The following FER variants were observed in gnomAD, a reference collection of about 807,000 sequenced individuals.
FER encodes FER tyrosine kinase, also known as tyrosine-protein kinase Fer.
A neutral mutation model predicts 111.0 loss-of-function variants in FER; 63 were observed. That is an observed-to-expected ratio of 0.57 (90% CI 0.46 to 0.70). The LOEUF (loss-of-function observed/expected upper bound fraction) is 0.70, where lower values mean the gene tolerates loss of function less well. Among genes scored for constraint, FER ranks in the 30% least tolerant of loss-of-function variants. The pLI is 0.00. For synonymous variants in FER, 327 were observed against 313.9 expected (o/e 1.04, Z -0.44); for missense variants, 914 against 954.0 (o/e 0.96, Z 0.55).
intron 5 of FER, among the ~76,000 whole-genome samples, chr5:108,859,239 A>G (rs780015423): frequency 2.6e-5 from 4 of 152,028 alleles, no homozygotes; most frequent in Admixed American, 6.5e-5. Context: ...GCTGTGATCT[A>G]CCACTACAGT....
chr5:109,032,655 C>A (rs1056658169), intron 13 of FER, among the ~76,000 whole-genome samples: 1 of 152,068 alleles, frequency 6.6e-6, no homozygotes, highest in African/African-American at 2.4e-5. Flanking sequence ...GTGTCACTCA[C>A]GAATCAATTA....
intron 17 of FER, among the ~76,000 whole-genome samples, chr5:109,117,682 C>A (rs979850667): frequency 7.3e-5 from 11 of 151,346 alleles, no homozygotes; most frequent in Non-Finnish European, 1.6e-4. Flanking sequence ...CTTTTATTTC[C>A]TTGAGCAGTG....
chr5:108,950,495 T>C (rs4957565), intron 11 of FER, among the ~76,000 whole-genome samples: 22,631 of 152,106 alleles, frequency 0.15, 2,194 homozygotes, highest in Non-Finnish European at 0.21. Context: ...TGCTAAAAAA[T>C]CAGAATTTGT....
At chr5:108,774,059 C>T (rs1315812499) in intron 2 of FER, among the ~76,000 whole-genome samples, 1 of 151,856 alleles carries the variant, frequency 6.6e-6, no homozygotes, top group South Asian at 2.1e-4. Flanking sequence ...CTCACCTCCT[C>T]ACCCCCCAAC....
At chr5:108,995,390 A>T (rs1313906384) in intron 13 of FER, among the ~76,000 whole-genome samples, 1 of 151,922 alleles carries the variant, frequency 6.6e-6, no homozygotes, top group Non-Finnish European at 1.5e-5. Context: ...TACATTAGGT[A>T]TTTCTCCTAA....
At chr5:109,062,677 A>C (rs1774578457) in intron 16 of FER, among the ~76,000 whole-genome samples, 1 of 152,188 alleles carries the variant, frequency 6.6e-6, no homozygotes, top group Admixed American at 6.5e-5. Context: ...CTTAACCTCC[A>C]AGTACAATAA....
At chr5:108,859,054 A>G (rs559237508) in intron 5 of FER, among the ~76,000 whole-genome samples, 8 of 152,168 alleles carry the variant, frequency 5.3e-5, no homozygotes, top group African/African-American at 1.7e-4. Flanking sequence ...CTTACATGTG[A>G]TTTTGTTAGA....
At chr5:108,810,862 T>C (rs1410797657) in intron 3 of FER, among the ~76,000 whole-genome samples, 1 of 150,862 alleles carries the variant, frequency 6.6e-6, no homozygotes, top group Non-Finnish European at 1.5e-5. Context: ...CCTTTACCTG[T>C]ATCTTTGCAC....
intron 9 of FER, among the ~76,000 whole-genome samples, chr5:108,896,045 A>G (rs1466208319): frequency 1.3e-5 from 2 of 152,052 alleles, no homozygotes; most frequent in African/African-American, 4.8e-5. Flanking sequence ...TTTTGCCCAC[A>G]TTTTTGAAAT....
intron 2 of FER, among the ~76,000 whole-genome samples, chr5:108,778,327 G>A (rs1321239584): frequency 1.3e-5 from 2 of 152,138 alleles, no homozygotes; most frequent in African/African-American, 4.8e-5. Flanking sequence ...AGGACTTACG[G>A]GGCATTTAAT....
chr5:108,955,486 A>G, intron 12 of FER, among the ~76,000 whole-genome samples: 1 of 152,030 alleles, frequency 6.6e-6, no homozygotes, highest in Middle Eastern at 3.4e-3. Context: ...TACATTGATT[A>G]TTCTAATGCT....
intron 1 of FER, among the ~76,000 whole-genome samples, chr5:108,767,371 A>G (rs1310917025): frequency 2.6e-5 from 4 of 152,212 alleles, no homozygotes; most frequent in Non-Finnish European, 5.9e-5. Flanking sequence ...TGCTGGGGGA[A>G]TCCTTCCCAA....
At chr5:109,091,703 T>A (rs756236083) in intron 16 of FER, among the ~76,000 whole-genome samples, 5 of 151,966 alleles carry the variant, frequency 3.3e-5, no homozygotes, top group Non-Finnish European at 2.9e-5. Flanking sequence ...CTACCCAAGG[T>A]CTTTGGGGCA....
At chr5:109,021,229 T>C (rs1767886013) in intron 13 of FER, among the ~76,000 whole-genome samples, 1 of 152,026 alleles carries the variant, frequency 6.6e-6, no homozygotes, top group Admixed American at 6.6e-5. Context: ...GCCGGTGTGC[T>C]TACTAACGGT....
intron 2 of FER, among the ~76,000 whole-genome samples, chr5:108,791,454 C>T (rs1755361367): frequency 6.6e-6 from 1 of 151,716 alleles, no homozygotes; most frequent in Admixed American, 6.6e-5. Flanking sequence ...CCATTCAAAT[C>T]CTTTGTCCAT....
chr5:108,991,195 C>G (rs1373016796), intron 13 of FER, among the ~76,000 whole-genome samples: 1 of 151,728 alleles, frequency 6.6e-6, no homozygotes, highest in Non-Finnish European at 1.5e-5. Context: ...ATGTCTGTCT[C>G]ATTTTGTATA....
chr5:109,172,460 A>C (rs1291891938), intron 17 of FER, among the ~76,000 whole-genome samples: 1 of 113,736 alleles, frequency 8.8e-6, no homozygotes, highest in African/African-American at 3.5e-5. Context: ...CAGGAAGGGG[A>C]ACATCACACT....
At position 108,942,177 on chromosome 5, in the gene FER, G is replaced by A. The variant is rs568308712; in HGVS notation, c.1237-3953G>A. Among the ~76,000 whole-genome samples the A allele has an allele frequency of 2.0e-4, 30 of 152,228 alleles. No homozygotes were observed. In the East Asian group the frequency reaches 5.0e-3, roughly 25 times the overall value. On this transcript the variant is annotated intron_variant, in intron 10 of 19. Transcript: ENST00000281092. Reference sequence around the variant, plus strand: ...ACGTGAACTGGCTATTGAATAGGACGGGAGCTAATTATAGCCTTCTTCTTG... The same window carrying A: ...ACGTGAACTGGCTATTGAATAGGACAGGAGCTAATTATAGCCTTCTTCTTG...
chr5:108,797,211 T>C (rs1307980704), intron 2 of FER, among the ~76,000 whole-genome samples: 1 of 152,072 alleles, frequency 6.6e-6, no homozygotes, highest in African/African-American at 2.4e-5. Context: ...TGCCCAGTGC[T>C]CTATCCTTCT....
Sources: gnomAD v4.1 joint callset for allele counts (sites outside exome capture counted in the v4.1 genomes callset) on GRCh38, gnomAD v4.1.1 for gene constraint, MANE v1.5 for transcripts, NCBI Gene and HGNC (gene_info 2026-07-23, HGNC 2026-07-21) for gene names.